TCF4: variants seen among roughly 807,000 people sequenced by gnomAD.
TCF4 encodes SL3-3 enhancer factor 2.
In TCF4, 3 loss-of-function variants were observed where a neutral mutation model predicts 82.1. The observed-to-expected ratio is 0.04, with a 90% confidence interval of 0.02 to 0.09. The LOEUF (loss-of-function observed/expected upper bound fraction) is 0.09. Among genes scored for constraint, TCF4 ranks in the 10% least tolerant of loss-of-function variants. TCF4 has a pLI of 1.00. For missense variants in TCF4, 518 were observed against 852.7 expected, an observed-to-expected ratio of 0.61 and a Z score of 4.89; for synonymous variants, 276 against 309.6, an observed-to-expected ratio of 0.89 and a Z score of 1.14.
chr18:55,566,492 C>T (rs552188632), intron 3 of TCF4, among the ~76,000 whole-genome samples: 18 of 151,758 alleles, frequency 1.2e-4, no homozygotes, highest in Non-Finnish European at 2.2e-4. Context: ...AAGACAGAAT[C>T]ACAAAAATGA....
At position 55,227,638 on chromosome 18, in the gene TCF4, T is replaced by A. The variant is rs889395572; in HGVS notation, c.*397A>T. ...ATTATTGCAAGTTTACAATTTTTTT[T>A]AAATTAAATATTTTTTTTTCAGACT... On this transcript the variant is annotated 3_prime_UTR_variant, in exon 20 of 20. Coordinates refer to ENST00000354452, the MANE Select transcript of TCF4 (RefSeq NM_001083962.2). The A allele has an allele frequency of 3.3e-5, 5 of 152,410 alleles. No individual in the cohort carries two copies. Among genetic ancestry groups the A allele is most frequent in the African/African-American group, 7.2e-5 (3 of 41,426 alleles). The allele number at this position is 152,410 out of a possible 1,614,324, so 9.4% of individuals were successfully genotyped here.
At chr18:55,553,453 A>G (rs561095822) in intron 3 of TCF4, 1 of 152,290 alleles carries the variant, frequency 6.6e-6, no homozygotes, top group East Asian at 1.9e-4. Context: ...TAGAATACAT[A>G]ATGATACAGG....
At chr18:55,366,118 G>C (rs1314632637) in intron 6 of TCF4, among the ~76,000 whole-genome samples, 1 of 152,000 alleles carries the variant, frequency 6.6e-6, no homozygotes, top group Non-Finnish European at 1.5e-5. Context: ...ACATTTATTT[G>C]AGGGGTTTAA....
At chr18:55,238,910 T>C (rs2050342252) in intron 15 of TCF4, among the ~76,000 whole-genome samples, 1 of 152,196 alleles carries the variant, frequency 6.6e-6, no homozygotes, top group Admixed American at 6.5e-5. Context: ...ATACTATGAA[T>C]GGGCCACCTT....
At chr18:55,413,193 T>C (rs1271268441) in intron 5 of TCF4, among the ~76,000 whole-genome samples, 4 of 152,150 alleles carry the variant, frequency 2.6e-5, no homozygotes. Context: ...AACACACATA[T>C]ATAAGTGACA....
intron 3 of TCF4, among the ~76,000 whole-genome samples, chr18:55,491,274 C>T (rs1014870170): frequency 6.6e-5 from 10 of 151,992 alleles, no homozygotes; most frequent in South Asian, 4.2e-4. Context: ...ATCATGGGGG[C>T]GGGACGGCGG....
intron 3 of TCF4, among the ~76,000 whole-genome samples, chr18:55,505,570 C>T (rs1261797080): frequency 6.6e-6 from 1 of 151,662 alleles, no homozygotes; most frequent in Non-Finnish European, 1.5e-5. Context: ...TTTGGAAGGC[C>T]GAGGCGGGCG....
intron 12 of TCF4, 138 bp downstream of exon 12, chr18:55,261,328 T>C: frequency 9.7e-7 from 1 of 1,026,710 alleles, no homozygotes; most frequent in Non-Finnish European, 1.5e-6. Context: ...TTCCAGTGAC[T>C]GTTATGCAAG....
intron 10 of TCF4, among the ~76,000 whole-genome samples, chr18:55,273,018 C>G (rs1246682207): frequency 6.6e-6 from 1 of 152,154 alleles, no homozygotes; most frequent in Non-Finnish European, 1.5e-5. Flanking sequence ...TTAAAAAGAA[C>G]TCTGCCAAGT....
chr18:55,517,865 T>C (rs1040240662), intron 3 of TCF4, among the ~76,000 whole-genome samples: 2 of 152,176 alleles, frequency 1.3e-5, no homozygotes, highest in East Asian at 3.9e-4. Context: ...AGGCCCTTGC[T>C]GGTTAGAGCT....
At chr18:55,610,307 C>A (rs1230513686) in intron 2 of TCF4, among the ~76,000 whole-genome samples, 1 of 152,176 alleles carries the variant, frequency 6.6e-6, no homozygotes, top group East Asian at 1.9e-4. Flanking sequence ...GGGTAACCGA[C>A]CTTTTCCCTA....
Position 55,223,551 on chromosome 18 carries a change from G to A in TCF4, c.*4484C>T, listed in dbSNP as rs2046150647. 1 of 152,506 alleles carries A rather than the reference G, an allele frequency of 6.6e-6. No individual in the cohort carries two copies. Among genetic ancestry groups the A allele is most frequent in the Non-Finnish European group, 1.5e-5 (1 of 68,012 alleles). The allele number at this position is 152,506 out of a possible 1,614,324, so 9.4% of individuals were successfully genotyped here. ...CAGGTAATGGCCTTGACCAAGCTGG[G>A]TTTGTTTTTGTCTTGAAGGAACTCC... On this transcript the variant is annotated 3_prime_UTR_variant, in exon 20 of 20. Coordinates refer to ENST00000354452, the MANE Select transcript of TCF4 (RefSeq NM_001083962.2).
intron 2 of TCF4, among the ~76,000 whole-genome samples, chr18:55,625,924 G>C (rs1397125984): frequency 6.6e-6 from 1 of 152,210 alleles, no homozygotes; most frequent in Non-Finnish European, 1.5e-5. Context: ...TCAGGCAAGT[G>C]GACTGGCAGC....
At chr18:55,378,796 C>T (rs1049753639) in intron 6 of TCF4, among the ~76,000 whole-genome samples, 12 of 152,094 alleles carry the variant, frequency 7.9e-5, no homozygotes, top group African/African-American at 2.9e-4. Context: ...CAGTTTTGAC[C>T]CGGAAGATTT....
intron 5 of TCF4, among the ~76,000 whole-genome samples, chr18:55,436,676 C>T (rs2095336780): frequency 6.6e-6 from 1 of 152,150 alleles, no homozygotes; most frequent in Admixed American, 6.5e-5. Context: ...AATTGCAGTG[C>T]TGAGCAGCCT....
chr18:55,322,351 C>A, intron 8 of TCF4: 1 of 994,586 alleles, frequency 1.0e-6, no homozygotes, highest in Non-Finnish European at 1.2e-6. Flanking sequence ...GTCTCTGCTG[C>A]TGGCTAGCTC....
intron 3 of TCF4, among the ~76,000 whole-genome samples, chr18:55,501,773 T>C (rs1369544633): frequency 1.3e-5 from 2 of 151,962 alleles, no homozygotes; most frequent in African/African-American, 4.8e-5. Context: ...TCATCCTGCC[T>C]GCTTTGATTC....
intron 2 of TCF4, among the ~76,000 whole-genome samples, chr18:55,618,655 C>T (rs1024789274): frequency 4.6e-5 from 7 of 151,974 alleles, no homozygotes; most frequent in South Asian, 2.1e-4. Flanking sequence ...GAGCACAGCT[C>T]ATTGCAGCCT....
chr18:55,596,825 A>G (rs1352645477), intron 2 of TCF4, among the ~76,000 whole-genome samples: 1 of 152,142 alleles, frequency 6.6e-6, no homozygotes, highest in Non-Finnish European at 1.5e-5. Context: ...ATACTAGGTT[A>G]TCATAAAAAA....
Sources: gnomAD v4.1 joint callset for allele counts (sites outside exome capture counted in the v4.1 genomes callset) on GRCh38, gnomAD v4.1.1 for gene constraint, MANE v1.5 for transcripts, NCBI Gene and HGNC (gene_info 2026-07-23, HGNC 2026-07-21) for gene names.